Variants in ARHGEF11 observed in about 807,000 individuals in gnomAD.
ARHGEF11 encodes the protein Rho guanine exchange factor (GEF) 11.
Under a neutral mutation model 193.7 loss-of-function variants are expected in ARHGEF11, and 55 were observed. That is an observed-to-expected ratio of 0.28 (90% CI 0.23 to 0.36). The LOEUF (loss-of-function observed/expected upper bound fraction) is 0.36. Among genes scored for constraint, ARHGEF11 ranks in the 10% least tolerant of loss-of-function variants. The pLI is 1.00. For synonymous variants in ARHGEF11, 693 were observed against 768.0 expected (o/e 0.90, Z 1.62); for missense variants, 1,723 against 2,005.6 (o/e 0.86, Z 2.69).
rs1660228368 is a variant in ARHGEF11, at chr1:156,958,055, CCCTGT to C, written c.1503-245_1503-241del. 2.0e-5 allele frequency among the ~76,000 whole-genome samples: 3 copies of C among 152,284 alleles called. No individual in the cohort carries two copies. In the South Asian group the frequency reaches 6.2e-4, roughly 32 times the overall value. ...GGTTTCATCTTCTTTGCTATTTTTA[CCCTGT>C]CCTTAAAGTGCCTGGCTGTGCCTAT... is the stretch of plus-strand genomic sequence containing the variant. On this transcript the variant is annotated intron_variant, in intron 17 of 40. Transcript: ENST00000368194.
chr1:156,965,510 A>AT (rs1262071853), intron 11 of ARHGEF11, among the ~76,000 whole-genome samples: 11 of 152,124 alleles, frequency 7.2e-5, no homozygotes, highest in African/African-American at 2.7e-4. Flanking sequence ...ATTACTTGAG[A>AT]TTTTTTGGTA....
intron 1 of ARHGEF11, among the ~76,000 whole-genome samples, chr1:157,015,714 A>G (rs763394322): frequency 5.1e-4 from 77 of 152,228 alleles, no homozygotes; most frequent in Non-Finnish European, 9.1e-4. Flanking sequence ...CAGCACAGGC[A>G]TGTGTGGATT....
chr1:157,009,029 A>G (rs1668233804), intron 1 of ARHGEF11, among the ~76,000 whole-genome samples: 1 of 152,224 alleles, frequency 6.6e-6, no homozygotes, highest in Admixed American at 6.5e-5. Context: ...AGAGATGCTG[A>G]TAAGGTCCAT....
At position 156,994,392 on chromosome 1, in the gene ARHGEF11, G is replaced by GTTTTT. The variant is rs33948204; in HGVS notation, c.33-8224_33-8220dup. On this transcript the variant is annotated intron_variant, in intron 1 of 40. Transcript: ENST00000368194. ...CCCTCTGCAAATGGTTTTATTGTGT[G>GTTTTT]TTTTTTTTTTTTTTCAGGTGTACAG... Among the ~76,000 whole-genome samples the GTTTTT allele has an allele frequency of 2.2e-4, 31 of 144,112 alleles. No individual in the cohort carries two copies. The South Asian group carries it at 5.7e-3, about 27-fold the overall frequency. 94.5% of individuals were successfully genotyped at this position (144,112 alleles called of 152,430 possible). A position where few individuals can be genotyped will look rare whatever the true frequency, so the allele number is the denominator to read the frequency against.
chr1:156,980,377 G>A, intron 4 of ARHGEF11, 60 bp downstream of exon 4: 1 of 1,561,628 alleles, frequency 6.4e-7, no homozygotes, highest in Non-Finnish European at 8.7e-7. Context: ...CCAAGGCCAG[G>A]AGTGCCCTGC....
chr1:157,044,249 C>G, intron 1 of ARHGEF11, 50 bp downstream of exon 1: 1 of 1,561,484 alleles, frequency 6.4e-7, no homozygotes, highest in South Asian at 1.1e-5. Flanking sequence ...CCACCCCTCC[C>G]AGTCTTTCCT....
chr1:156,976,681 C>G (rs1663304015), intron 7 of ARHGEF11, among the ~76,000 whole-genome samples: 1 of 152,196 alleles, frequency 6.6e-6, no homozygotes, highest in African/African-American at 2.4e-5. Context: ...CCCTTTCTTC[C>G]CTCTTTTCCT....
At chr1:156,997,100 C>T (rs1244281385) in intron 1 of ARHGEF11, among the ~76,000 whole-genome samples, 1 of 151,684 alleles carries the variant, frequency 6.6e-6, no homozygotes, top group Admixed American at 6.6e-5. Context: ...AACTCCTAGG[C>T]TCAAGCAATC....
intron 17 of ARHGEF11, 148 bp downstream of exon 17, chr1:156,958,594 G>A: frequency 8.8e-7 from 1 of 1,132,472 alleles, no homozygotes; most frequent in Non-Finnish European, 1.3e-6. Flanking sequence ...CCTGACCAAT[G>A]CAGCAGGAGT....
Position 156,995,576 on chromosome 1 carries a change from G to T in ARHGEF11, c.33-9403C>A, listed in dbSNP as rs370746497. Among the ~76,000 whole-genome samples the T allele has an allele frequency of 4.1e-5, 6 of 145,994 alleles. No individual in the cohort carries two copies. In the East Asian group the frequency reaches 1.2e-3, roughly 29 times the overall value. ...TTCTTCTTCTTTTTTTTTTTTTTGA[G>T]ACAGGGTCTCACTCTGTTGCCCAGG... On this transcript the variant is annotated intron_variant, in intron 1 of 40. Coordinates refer to ENST00000368194, the MANE Select transcript of ARHGEF11 (RefSeq NM_198236.3).
chr1:156,983,002 T>C (rs1387362992), intron 3 of ARHGEF11, among the ~76,000 whole-genome samples: 1 of 152,198 alleles, frequency 6.6e-6, no homozygotes, highest in African/African-American at 2.4e-5. Flanking sequence ...ACATATCTCA[T>C]ATCTTCCTCC....
chr1:157,042,518 A>G (rs1389077645), intron 1 of ARHGEF11, among the ~76,000 whole-genome samples: 2 of 152,214 alleles, frequency 1.3e-5, no homozygotes, highest in African/African-American at 2.4e-5. Context: ...CAAGCCAGGT[A>G]GCCTCTCTGA....
rs1658472922 is a variant in ARHGEF11 at position 156,948,073 on chromosome 1, A to G, written c.2153+108T>C. ...ATGCACATGGGAAACCAGTGGGCCC[A>G]GAAGAGGAGACAGCCACCCAACCAG... On this transcript the variant is annotated intron_variant, in intron 24 of 40. Coordinates refer to ENST00000368194, the MANE Select transcript of ARHGEF11 (RefSeq NM_198236.3). The surrounding 1 kb of genome is among the most constrained non-coding windows in gnomAD (Gnocchi z 4.2). 3.0e-5 allele frequency: 46 copies of G among 1,536,374 alleles called. No homozygotes were observed. The South Asian group carries it at 4.0e-4, about 13-fold the overall frequency.
At chr1:157,040,020 TTTTCTTA>T (rs1353345913) in intron 1 of ARHGEF11, among the ~76,000 whole-genome samples, 2 of 152,346 alleles carry the variant, frequency 1.3e-5, no homozygotes, top group Non-Finnish European at 1.5e-5. Flanking sequence ...GTCATTTAAT[TTTTCTTA>T]TTTCTTGTCT....
In ARHGEF11 at chr1:157,021,601, G is replaced by C. The variant is rs527933980; in HGVS notation, c.32+22698C>G. ...CGTTTAAATAAATGGAATCAACTGT[G>C]GGTTATAGATGCTAAACGAGAGGCC... On this transcript the variant is annotated intron_variant, in intron 1 of 40. Transcript: ENST00000368194. 5.9e-5 allele frequency among the ~76,000 whole-genome samples: 9 copies of C among 152,254 alleles called. No homozygotes were observed. The South Asian group carries it at 1.9e-3, about 32-fold the overall frequency.
chr1:156,996,578 C>G (rs1040076378), intron 1 of ARHGEF11, among the ~76,000 whole-genome samples: 3 of 151,736 alleles, frequency 2.0e-5, no homozygotes, highest in East Asian at 2.0e-4. Flanking sequence ...TTGAGACCAT[C>G]CTGGCTAACA....
At chr1:156,947,497 G>C (rs767962529) in intron 25 of ARHGEF11, 47 bp from the exon 26 acceptor site, 123 of 1,523,018 alleles carry the variant, frequency 8.1e-5, no homozygotes, top group Non-Finnish European at 1.0e-4. Flanking sequence ...GGGAGAAAAC[G>C]GATCAGCAAG....
intron 1 of ARHGEF11, among the ~76,000 whole-genome samples, chr1:157,007,349 G>C (rs1557942802): frequency 6.6e-6 from 1 of 152,270 alleles, no homozygotes; most frequent in East Asian, 1.9e-4. Flanking sequence ...CATTGAAAAG[G>C]GGAGAAAGGG....
At chr1:156,957,740 C>T (rs1244079996) in intron 18 of ARHGEF11, 52 bp downstream of exon 18, 3 of 1,589,510 alleles carry the variant, frequency 1.9e-6, no homozygotes, top group Non-Finnish European at 2.6e-6. Context: ...AGTAGCTCAA[C>T]CCCACTCCTT....
Sources: gnomAD v4.1 joint callset for allele counts (sites outside exome capture counted in the v4.1 genomes callset) on GRCh38, gnomAD v4.1.1 for gene constraint, Gnocchi (gnomAD v3.1) non-coding constraint, MANE v1.5 for transcripts, NCBI Gene and HGNC (gene_info 2026-07-23, HGNC 2026-07-21) for gene names.